The following PDE4D variants were observed in gnomAD, a reference collection of about 807,000 sequenced individuals.
PDE4D encodes phosphodiesterase 4D, also known as 3',5'-cyclic-AMP phosphodiesterase 4D.
PDE4D carries 24 observed loss-of-function variants against 87.4 expected under a neutral mutation model. The observed-to-expected ratio is 0.27, with a 90% CI of 0.20 to 0.39. PDE4D has a LOEUF of 0.39. Among genes scored for constraint, PDE4D ranks in the 10% least tolerant of loss-of-function variants. PDE4D has a pLI of 1.00. For missense variants in PDE4D, 714 were observed against 1,041.0 expected, an observed-to-expected ratio of 0.69 and a Z score of 4.32; for synonymous variants, 384 against 383.2, an observed-to-expected ratio of 1.00 and a Z score of -0.02.
chr5:59,612,785 G>A (rs1304130943), intron 1 of PDE4D, among the ~76,000 whole-genome samples: 1 of 152,108 alleles, frequency 6.6e-6, no homozygotes, highest in Non-Finnish European at 1.5e-5. Flanking sequence ...ATATCAGGCT[G>A]ATGCAAGTTC....
intron 2 of PDE4D, among the ~76,000 whole-genome samples, chr5:60,065,269 TCG>T (rs1491526089): frequency 4.5e-5 from 6 of 132,908 alleles, no homozygotes; most frequent in African/African-American, 1.6e-4. Context: ...AGTGTGTGTG[TCG>T]TGTGTGTGTG....
chr5:59,563,383 C>T (rs1452960842), intron 1 of PDE4D, among the ~76,000 whole-genome samples: 1 of 152,196 alleles, frequency 6.6e-6, no homozygotes, highest in Non-Finnish European at 1.5e-5. Context: ...ACATAACTCT[C>T]AAATAAGAAT....
intron 5 of PDE4D, among the ~76,000 whole-genome samples, chr5:59,051,500 T>C (rs992147249): frequency 6.6e-6 from 1 of 152,250 alleles, no homozygotes; most frequent in Non-Finnish European, 1.5e-5. Flanking sequence ...GGAAGATCAT[T>C]TCAAACATTT....
At chr5:59,614,375 T>C (rs1335021976) in intron 1 of PDE4D, among the ~76,000 whole-genome samples, 1 of 152,236 alleles carries the variant, frequency 6.6e-6, no homozygotes, top group African/African-American at 2.4e-5. Flanking sequence ...ATAGAAATTA[T>C]GATTTTGTTT....
At chr5:59,678,342 T>C (rs1034550509) in intron 1 of PDE4D, among the ~76,000 whole-genome samples, 1 of 152,238 alleles carries the variant, frequency 6.6e-6, no homozygotes, top group Non-Finnish European at 1.5e-5. Context: ...GTTGGTTTCA[T>C]ACTTTAGCCC....
rs1220457333 is a variant in PDE4D at position 58,969,320 on chromosome 5, T to C, written c.*5344A>G. The C allele has an allele frequency of 6.6e-6, 1 of 152,158 alleles. No homozygotes were observed. The highest frequency in any genetic ancestry group is 1.5e-5 in the Non-Finnish European group (1 of 68,034). The allele number at this position is 152,158 out of a possible 1,614,324, so 9.4% of individuals were successfully genotyped here. On this transcript the variant is annotated 3_prime_UTR_variant, in exon 15 of 15. Transcript: ENST00000340635. ...GGGTTATGAGAATAAAGCTACAGAA[T>C]GGGGGATATCTCACACAGGATGGTT...
At chr5:60,257,655 T>C (rs1354986884) in intron 1 of PDE4D, among the ~76,000 whole-genome samples, 1 of 151,948 alleles carries the variant, frequency 6.6e-6, no homozygotes, top group African/African-American at 2.4e-5. Flanking sequence ...GAAGTCATGC[T>C]AGAGAAAGCA....
chr5:60,314,367 A>T (rs1225554627), intron 1 of PDE4D, among the ~76,000 whole-genome samples: 1 of 151,954 alleles, frequency 6.6e-6, no homozygotes, highest in Non-Finnish European at 1.5e-5. Context: ...GGGTTTCACC[A>T]TGTTGCCCAG....
chr5:60,417,728 C>T (rs749915648), intron 1 of PDE4D, among the ~76,000 whole-genome samples: 3 of 152,028 alleles, frequency 2.0e-5, no homozygotes, highest in Non-Finnish European at 4.4e-5. Context: ...AGAAAAAAAA[C>T]TCTTCTGAAT....
chr5:60,212,174 TC>T (rs1743304711), intron 1 of PDE4D, among the ~76,000 whole-genome samples: 1 of 152,180 alleles, frequency 6.6e-6, no homozygotes, highest in Admixed American at 6.5e-5. Flanking sequence ...ATATTTTTTT[TC>T]TCAAGTAACA....
chr5:59,091,008 T>C, intron 5 of PDE4D: 1 of 407,172 alleles, frequency 2.5e-6, no homozygotes, highest in Non-Finnish European at 4.9e-6. Flanking sequence ...GAAAGTACTT[T>C]TCATGAAGAG....
At chr5:59,228,220 AAG>A (rs2153515196) in intron 1 of PDE4D, among the ~76,000 whole-genome samples, 1 of 152,206 alleles carries the variant, frequency 6.6e-6, no homozygotes, top group South Asian at 2.1e-4. Context: ...CACAGACAGA[AAG>A]AGAGGAACAA....
chr5:59,148,930 G>A (rs1005197756), intron 5 of PDE4D, among the ~76,000 whole-genome samples: 2 of 152,030 alleles, frequency 1.3e-5, no homozygotes, highest in Admixed American at 6.6e-5. Context: ...AAAAGCTGAC[G>A]GACATTAGGC....
At chr5:60,103,541 C>A (rs1020897941) in intron 2 of PDE4D, among the ~76,000 whole-genome samples, 10 of 152,130 alleles carry the variant, frequency 6.6e-5, no homozygotes, top group Admixed American at 2.0e-4. Context: ...AAACTGTTAC[C>A]ATTGCTAGAA....
chr5:60,339,838 A>G (rs542349268), intron 1 of PDE4D, among the ~76,000 whole-genome samples: 1 of 152,332 alleles, frequency 6.6e-6, no homozygotes, highest in South Asian at 2.1e-4. Flanking sequence ...TCCACAAACT[A>G]GCTGCCTAAT....
chr5:59,155,163 G>A (rs1380668725), intron 5 of PDE4D, among the ~76,000 whole-genome samples: 2 of 151,958 alleles, frequency 1.3e-5, no homozygotes, highest in Non-Finnish European at 2.9e-5. Flanking sequence ...ACAACTATGA[G>A]GTACATGAAA....
At chr5:60,516,599 C>T (rs1306589177) in intron 1 of PDE4D, among the ~76,000 whole-genome samples, 1 of 152,192 alleles carries the variant, frequency 6.6e-6, no homozygotes, top group African/African-American at 2.4e-5. Context: ...AGAAGAAACC[C>T]TGTAGGTCAA....
intron 5 of PDE4D, among the ~76,000 whole-genome samples, chr5:59,102,302 T>C (rs1770886052): frequency 6.6e-6 from 1 of 151,958 alleles, no homozygotes; most frequent in African/African-American, 2.4e-5. Context: ...GTCAGGCTGG[T>C]CTCAAACTCC....
intron 1 of PDE4D, among the ~76,000 whole-genome samples, chr5:60,469,381 C>A (rs1747647168): frequency 6.6e-6 from 1 of 152,188 alleles, no homozygotes; most frequent in Non-Finnish European, 1.5e-5. Flanking sequence ...GCAACATTCT[C>A]CAACACTCAG....
Sources: gnomAD v4.1 joint callset for allele counts (sites outside exome capture counted in the v4.1 genomes callset) on GRCh38, gnomAD v4.1.1 for gene constraint, MANE v1.5 for transcripts, NCBI Gene and HGNC (gene_info 2026-07-23, HGNC 2026-07-21) for gene names.